Variants in SLC26A8 observed in about 807,000 individuals in gnomAD.
SLC26A8 encodes solute carrier family 26 member 8.
SLC26A8 carries 70 observed loss-of-function variants against 105.0 expected under a neutral mutation model. That is an observed-to-expected ratio of 0.67 (90% CI 0.55 to 0.81). The LOEUF (loss-of-function observed/expected upper bound fraction) is 0.81, where lower values mean the gene tolerates loss of function less well. Among genes scored for constraint, SLC26A8 ranks in the 40% least tolerant of loss-of-function variants. The pLI is 0.00. For synonymous variants in SLC26A8, 415 were observed against 438.3 expected (o/e 0.95, Z 0.66); for missense variants, 998 against 1,181.8 (o/e 0.84, Z 2.28).
chr6:35,959,438 G>C, intron 16 of SLC26A8, 22 bp downstream of exon 16: 1 of 1,583,512 alleles, frequency 6.3e-7, no homozygotes, highest in African/African-American at 1.4e-5. Context: ...GAAAAACATA[G>C]GAAAGAAAAG....
In SLC26A8 at chr6:35,992,693, C is replaced by A; in HGVS notation, c.628-19G>T. On this transcript the variant is annotated intron_variant, in intron 5 of 19. Coordinates refer to ENST00000490799, the MANE Select transcript of SLC26A8 (RefSeq NM_052961.4). ...TTATTAGCTGCAGAGAAGAGAAAAC[C>A]AGAGTGGGGTAGAATGTCTTCAATC... is the stretch of plus-strand genomic sequence containing the variant. 1.3e-6 allele frequency: 2 copies of A among 1,591,052 alleles called. No homozygotes were observed. The highest frequency in any genetic ancestry group is 1.1e-5 in the South Asian group (1 of 87,496).
At chr6:36,017,692 G>A (rs966710586) in intron 2 of SLC26A8, among the ~76,000 whole-genome samples, 3 of 152,168 alleles carry the variant, frequency 2.0e-5, no homozygotes, top group Admixed American at 2.0e-4. Context: ...AAAGGACACT[G>A]TATCAACAGA....
chr6:35,971,669 A>G (rs1772801622), intron 10 of SLC26A8, among the ~76,000 whole-genome samples: 1 of 152,218 alleles, frequency 6.6e-6, no homozygotes, highest in African/African-American at 2.4e-5. Flanking sequence ...AATTTGCCCA[A>G]GGTCACATAC....
Position 35,991,768 on chromosome 6 carries a change from G to T in SLC26A8, c.833C>A (p.Ser278Tyr). The change falls in exon 7 of 20, where the codon TCC becomes TAC. Residue 278 changes from serine (S) to tyrosine (Y), a missense_variant. Physicochemically the swap from Ser to Tyr is moderately radical, Grantham distance 144. Transcript: ENST00000490799. ...AGTTAGAAATACTAGAATGCTGGTGGAATTCGCTTTTGGGAGAGCTACACA... is the reference window on the plus strand; with the variant it reads ...AGTTAGAAATACTAGAATGCTGGTGTAATTCGCTTTTGGGAGAGCTACACA... ...NYCVALPKAN[S>Y]TSILVFLTVV... The T allele has an allele frequency of 6.2e-7, 1 of 1,603,660 alleles. No individual in the cohort carries two copies. Among genetic ancestry groups the T allele is most frequent in the Non-Finnish European group, 8.5e-7 (1 of 1,176,400 alleles).
At chr6:36,017,202 G>GAAGC (rs761540534) in intron 2 of SLC26A8, among the ~76,000 whole-genome samples, 1 of 91,086 alleles carries the variant, frequency 1.1e-5, no homozygotes, top group Non-Finnish European at 2.4e-5. Context: ...AGAATGGAAG[G>GAAGC]AAGGAAGGAG....
At chr6:35,989,931 T>C (rs935946119) in intron 7 of SLC26A8, 3 of 28,058 alleles carry the variant, frequency 1.1e-4, no homozygotes, top group African/African-American at 2.4e-4. Context: ...TCTTTTCTTT[T>C]TTTTTTTTTT....
intron 11 of SLC26A8, among the ~76,000 whole-genome samples, chr6:35,964,299 C>A (rs1772417953): frequency 6.6e-6 from 1 of 152,128 alleles, no homozygotes; most frequent in Admixed American, 6.5e-5. Flanking sequence ...GACAGTATAT[C>A]CAGAAATGCT....
chr6:36,023,578 A>G (rs913449973), intron 1 of SLC26A8, among the ~76,000 whole-genome samples: 1 of 151,676 alleles, frequency 6.6e-6, no homozygotes, highest in Non-Finnish European at 1.5e-5. Context: ...AGTCAAGAAT[A>G]AAAAGTTTAA....
rs998330602 is a variant in SLC26A8, at chr6:35,994,091, CTG to C, written c.628-1419_628-1418del. Among the ~76,000 whole-genome samples, 4 of 150,500 alleles carry C rather than the reference CTG, an allele frequency of 2.7e-5. No homozygotes were observed. The Admixed American group carries it at 2.7e-4, about 10-fold the overall frequency. ...TTCAAAGCTTTCAATCAGCCCGGCA[CTG>C]TGTCTCCCTTTTTTTTTCTTTTCTT... On this transcript the variant is annotated intron_variant, in intron 5 of 19. Transcript: ENST00000490799.
At chr6:36,018,220 G>A (rs1042604439) in intron 2 of SLC26A8, among the ~76,000 whole-genome samples, 1 of 152,180 alleles carries the variant, frequency 6.6e-6, no homozygotes, top group Non-Finnish European at 1.5e-5. Context: ...AATGTTCATG[G>A]CAGCATTATT....
chr6:35,962,522 T>A lies in SLC26A8; in HGVS notation c.1461+4A>T. On this transcript the variant is annotated splice_donor_region_variant and intron_variant, in intron 12 of 19. Transcript: ENST00000490799. Reference sequence around the variant, plus strand: ...CCTTCCTCAGCCAGGGCATCTACACTCACACAGTCATATTGGTCCTGCCTC... The same window carrying A: ...CCTTCCTCAGCCAGGGCATCTACACACACACAGTCATATTGGTCCTGCCTC... The A allele has an allele frequency of 6.2e-7, 1 of 1,612,882 alleles. No homozygotes were observed. The highest frequency in any genetic ancestry group is 8.5e-7 in the Non-Finnish European group (1 of 1,179,020).
At position 35,997,879 on chromosome 6, in the gene SLC26A8, C is replaced by T; in HGVS notation, c.486G>A (p.Leu162=). The T allele has an allele frequency of 6.2e-7, 1 of 1,614,114 alleles. No homozygotes were observed. Among genetic ancestry groups the T allele is most frequent in the Non-Finnish European group, 8.5e-7 (1 of 1,180,020 alleles). Residue 162 remains leucine (L), a synonymous_variant, in exon 5 of 20, where the codon CTG becomes CTA. Coordinates refer to ENST00000490799, the MANE Select transcript of SLC26A8 (RefSeq NM_052961.4). ...GACCGTTGTTGAATGGGCTCACTTT[C>T]AGAACGTTGATCAGCAGAGCACTCA... ...FLVSALLINV[L]KVSPFNNGQL...
At chr6:35,989,667 A>C (rs1239438891) in intron 7 of SLC26A8, 1 of 152,196 alleles carries the variant, frequency 6.6e-6, no homozygotes, top group Non-Finnish European at 1.5e-5. Context: ...TGTGGACAAC[A>C]AAGTCATCTG....
At chr6:35,990,256 G>C in intron 7 of SLC26A8, 1 of 207,600 alleles carries the variant, frequency 4.8e-6, no homozygotes, top group Non-Finnish European at 9.6e-6. Flanking sequence ...TGGTTCTTGA[G>C]CCAAACCTGT....
intron 11 of SLC26A8, among the ~76,000 whole-genome samples, chr6:35,967,252 T>A (rs1279252948): frequency 6.6e-6 from 1 of 152,024 alleles, no homozygotes; most frequent in African/African-American, 2.4e-5. Flanking sequence ...ATTCACCAGG[T>A]GGAAAGGAAG....
At chr6:36,004,820 ATTTT>A (rs750395557) in intron 3 of SLC26A8, among the ~76,000 whole-genome samples, 28 of 122,006 alleles carry the variant, frequency 2.3e-4, no homozygotes, top group Admixed American at 9.5e-4. Flanking sequence ...ACCTAGTTAA[ATTTT>A]TTTTTTTTTT....
intron 4 of SLC26A8, among the ~76,000 whole-genome samples, chr6:35,998,564 A>AAAAAG (rs1027381714): frequency 2.6e-5 from 4 of 151,972 alleles, no homozygotes; most frequent in African/African-American, 9.6e-5. Context: ...TCAAAAAAAA[A>AAAAAG]AAAAGAAAAG....
chr6:35,992,392 T>G (rs1204394472), intron 6 of SLC26A8, 118 bp downstream of exon 6: 17 of 1,002,350 alleles, frequency 1.7e-5, no homozygotes, highest in Non-Finnish European at 2.4e-5. Context: ...TTGACTGAGC[T>G]GCCTATAGGC....
rs1313048541 is a variant in SLC26A8, at chr6:35,959,472, C to T, written c.1851G>A (p.Glu617=). The T allele has an allele frequency of 6.2e-7, 1 of 1,612,252 alleles. No homozygotes were observed. Among genetic ancestry groups the T allele is most frequent in the South Asian group, 1.1e-5 (1 of 90,632 alleles). ...AGGCATTTCTAACCCTGGGCAGCGG[C>T]TCCAGATCATCACAGTTGCAGAAAC... is the stretch of plus-strand genomic sequence containing the variant. ...CRCFCNCDDL[E]PLPRILYTER... is the part of the protein sequence containing the mutation. The change falls in exon 16 of 20, where the codon GAG becomes GAA. Residue 617 remains glutamate, a synonymous_variant. Transcript: ENST00000490799.
Sources: allele counts gnomAD v4.1 joint callset (sites outside exome capture counted in the v4.1 genomes callset), GRCh38; gene constraint gnomAD v4.1.1; transcripts MANE v1.5; gene names NCBI Gene and HGNC (gene_info 2026-07-23, HGNC 2026-07-21).